The following DNER variants were observed in gnomAD, a reference collection of about 807,000 sequenced individuals.
DNER encodes the protein delta and Notch-like epidermal growth factor-related receptor.
In DNER, 33 loss-of-function variants were observed where a neutral mutation model predicts 78.2. The ratio of observed to expected loss-of-function variants is 0.42; its 90% confidence interval spans 0.32 to 0.56. The LOEUF (loss-of-function observed/expected upper bound fraction) is 0.56, where lower values mean the gene tolerates loss of function less well. Among genes scored for constraint, DNER ranks in the 20% least tolerant of loss-of-function variants. DNER has a pLI of 0.11. For synonymous variants in DNER, 417 were observed against 384.8 expected (o/e 1.08, Z -0.98); for missense variants, 918 against 975.3 (o/e 0.94, Z 0.78).
chr2:229,690,249 G>T (rs1384739685), intron 1 of DNER, among the ~76,000 whole-genome samples: 11 of 152,150 alleles, frequency 7.2e-5, no homozygotes, highest in Admixed American at 7.2e-4. Flanking sequence ...CTAATATGTG[G>T]CCTGGGTTGA....
intron 12 of DNER, among the ~76,000 whole-genome samples, chr2:229,362,540 T>G (rs761937787): frequency 5.3e-5 from 8 of 152,240 alleles, no homozygotes; most frequent in Non-Finnish European, 1.0e-4. Context: ...CAAGTCCTGG[T>G]TTTCTCACAA....
chr2:229,544,209 G>A (rs953422014), intron 5 of DNER, among the ~76,000 whole-genome samples: 1 of 152,088 alleles, frequency 6.6e-6, no homozygotes, highest in Non-Finnish European at 1.5e-5. Flanking sequence ...TGATACATGA[G>A]GTTTCTCCTC....
intron 7 of DNER, among the ~76,000 whole-genome samples, chr2:229,467,934 C>G (rs1319921515): frequency 6.6e-6 from 1 of 152,198 alleles, no homozygotes; most frequent in Non-Finnish European, 1.5e-5. Context: ...GAGGCAGCAG[C>G]CAGCATGAGA....
intron 1 of DNER, among the ~76,000 whole-genome samples, chr2:229,655,906 G>C (rs938763965): frequency 6.6e-6 from 1 of 152,038 alleles, no homozygotes; most frequent in Admixed American, 6.6e-5. Flanking sequence ...ACATGAAGAT[G>C]AAGGCAGGCA....
At chr2:229,443,656 A>T (rs1390980963) in intron 8 of DNER, among the ~76,000 whole-genome samples, 2 of 152,236 alleles carry the variant, frequency 1.3e-5, no homozygotes, top group African/African-American at 4.8e-5. Context: ...GGAACTAATT[A>T]TCAACCTGAC....
chr2:229,513,571 A>C (rs1695915075), intron 5 of DNER, among the ~76,000 whole-genome samples: 1 of 152,192 alleles, frequency 6.6e-6, no homozygotes, highest in South Asian at 2.1e-4. Flanking sequence ...TTGAAGCTTC[A>C]TTTCTGAGAT....
At chr2:229,539,276 T>C (rs888520585) in intron 5 of DNER, among the ~76,000 whole-genome samples, 3 of 152,196 alleles carry the variant, frequency 2.0e-5, no homozygotes, top group African/African-American at 4.8e-5. Context: ...TGAGTGAAGA[T>C]GACATCTTCT....
intron 4 of DNER, among the ~76,000 whole-genome samples, chr2:229,563,807 ACATCATCACCCCATCACCATCAT>A (rs1159346129): frequency 4.8e-5 from 3 of 63,008 alleles, no homozygotes; most frequent in Non-Finnish European, 9.3e-5. Context: ...ATCACCATCA[ACATCATCACCCCATCACCATCAT>A]CATCATCACC....
intron 12 of DNER, among the ~76,000 whole-genome samples, chr2:229,358,935 T>C (rs1055649391): frequency 5.9e-5 from 9 of 152,178 alleles, no homozygotes; most frequent in African/African-American, 2.2e-4. Flanking sequence ...AGCTCCACAA[T>C]AGATTTTAAG....
intron 5 of DNER, among the ~76,000 whole-genome samples, chr2:229,534,081 T>C (rs889953020): frequency 2.0e-5 from 3 of 152,188 alleles, no homozygotes; most frequent in Admixed American, 1.3e-4. Flanking sequence ...ACAGACATTA[T>C]AGATCGTAAT....
chr2:229,524,722 G>A (rs887895661), intron 5 of DNER, among the ~76,000 whole-genome samples: 1 of 152,190 alleles, frequency 6.6e-6, no homozygotes, highest in Non-Finnish European at 1.5e-5. Flanking sequence ...TGAAACAGCT[G>A]TGGACACCAG....
At chr2:229,395,959 A>T (rs1176498437) in intron 10 of DNER, among the ~76,000 whole-genome samples, 1 of 152,168 alleles carries the variant, frequency 6.6e-6, no homozygotes, top group Non-Finnish European at 1.5e-5. Flanking sequence ...AGTGAAAAAG[A>T]AGACACTTTT....
At chr2:229,519,309 T>C (rs1003361940) in intron 5 of DNER, among the ~76,000 whole-genome samples, 6 of 152,170 alleles carry the variant, frequency 3.9e-5, no homozygotes, top group Non-Finnish European at 8.8e-5. Context: ...ACAAGTCTTC[T>C]CAGCAGCTAT....
intron 1 of DNER, among the ~76,000 whole-genome samples, chr2:229,650,016 A>G (rs562945855): frequency 1.3e-5 from 2 of 149,442 alleles, no homozygotes; most frequent in African/African-American, 5.0e-5. Context: ...CAGAGCTTGC[A>G]GTGAGCCGAG....
chr2:229,434,923 T>TACAC (rs750920414), intron 8 of DNER, among the ~76,000 whole-genome samples: 436 of 109,088 alleles, frequency 4.0e-3, no homozygotes, highest in African/African-American at 0.013. Context: ...TATATATATA[T>TACAC]ATACACACAC....
intron 1 of DNER, among the ~76,000 whole-genome samples, chr2:229,656,901 G>A (rs1341539148): frequency 4.0e-5 from 6 of 151,738 alleles, no homozygotes; most frequent in East Asian, 1.9e-4. Context: ...TGAAGTATAC[G>A]ACATAATGAC....
At chr2:229,536,571 G>GA (rs1304647738) in intron 5 of DNER, among the ~76,000 whole-genome samples, 1 of 152,084 alleles carries the variant, frequency 6.6e-6, no homozygotes, top group Non-Finnish European at 1.5e-5. Context: ...CTTATGAACT[G>GA]AAAAATAGGA....
chr2:229,594,325 A>G (rs778683784), intron 1 of DNER, among the ~76,000 whole-genome samples: 3 of 152,234 alleles, frequency 2.0e-5, no homozygotes, highest in African/African-American at 4.8e-5. Flanking sequence ...GCGGTGGCTC[A>G]CGCCTGTAAC....
intron 6 of DNER, among the ~76,000 whole-genome samples, chr2:229,503,280 A>C (rs1432089780): frequency 6.6e-6 from 1 of 151,994 alleles, no homozygotes; most frequent in Non-Finnish European, 1.5e-5. Flanking sequence ...TTCAGAGCCT[A>C]TGTAACCTTA....
Sources: allele counts gnomAD v4.1 joint callset (sites outside exome capture counted in the v4.1 genomes callset), GRCh38; gene constraint gnomAD v4.1.1; transcripts MANE v1.5; gene names NCBI Gene and HGNC (gene_info 2026-07-23, HGNC 2026-07-21).